Variants in ALK observed in about 807,000 individuals in gnomAD.
The protein encoded by ALK is ALK receptor tyrosine kinase, also known as ALK tyrosine kinase receptor.
A neutral mutation model predicts 163.1 loss-of-function variants in ALK; 74 were observed. The ratio of observed to expected loss-of-function variants is 0.45; its 90% CI spans 0.38 to 0.55. The LOEUF is 0.55. Ranked by LOEUF, ALK falls within the 20% of genes least tolerant of loss-of-function variation. The pLI, the probability that ALK is intolerant of heterozygous loss-of-function variation, is 0.00. For synonymous variants in ALK, 960 were observed against 843.2 expected (o/e 1.14, Z -2.40); for missense variants, 2,063 against 2,105.3 (o/e 0.98, Z 0.39).
chr2:29,512,036 A>T (rs1381952515), intron 4 of ALK, among the ~76,000 whole-genome samples: 1 of 13,518 alleles, frequency 7.4e-5, no homozygotes, highest in Non-Finnish European at 8.2e-3. Flanking sequence ...GAATCTTTTG[A>T]ATATTTAAAA....
chr2:29,252,668 C>T (rs1664849391), intron 11 of ALK, among the ~76,000 whole-genome samples: 1 of 152,032 alleles, frequency 6.6e-6, no homozygotes, highest in South Asian at 2.1e-4. Context: ...GCACGGAGTC[C>T]TCAACACTTT....
chr2:29,836,267 T>A (rs1665556392), intron 1 of ALK, among the ~76,000 whole-genome samples: 1 of 152,194 alleles, frequency 6.6e-6, no homozygotes, highest in Admixed American at 6.5e-5. Context: ...TTAGGCTAAA[T>A]TACATTATGA....
chr2:29,856,680 C>A (rs991519300), intron 1 of ALK, among the ~76,000 whole-genome samples: 1 of 152,128 alleles, frequency 6.6e-6, no homozygotes, highest in African/African-American at 2.4e-5. Context: ...ACGATGTGCA[C>A]AAAATGACTG....
Position 29,695,403 on chromosome 2 carries a change from G to A in ALK, c.788-389C>T, listed in dbSNP as rs771764890. On this transcript the variant is annotated intron_variant, in intron 2 of 28. Transcript: ENST00000389048. ...AGTCTGGCTCTGCTTTTACCAGCCC[G>A]GTGACTCCAAGCAAGAAAACTCACC... 9.9e-5 allele frequency among the ~76,000 whole-genome samples: 15 copies of A among 152,214 alleles called. 1 individual carries two copies. The Middle Eastern group carries it at 0.01, about 104-fold the overall frequency.
At chr2:29,522,105 A>T (rs1573425179) in intron 4 of ALK, among the ~76,000 whole-genome samples, 1 of 152,364 alleles carries the variant, frequency 6.6e-6, no homozygotes, top group East Asian at 1.9e-4. Flanking sequence ...TGCATCCTTA[A>T]TTATCAGCTG....
At chr2:29,728,093 T>C (rs74871432) in intron 1 of ALK, among the ~76,000 whole-genome samples, 3 of 152,046 alleles carry the variant, frequency 2.0e-5, no homozygotes, top group African/African-American at 7.3e-5. Flanking sequence ...TCTTTAAACC[T>C]TTAAGCTGCA....
intron 1 of ALK, among the ~76,000 whole-genome samples, chr2:29,868,510 T>G (rs1017760256): frequency 4.0e-5 from 6 of 151,890 alleles, no homozygotes; most frequent in Non-Finnish European, 8.8e-5. Context: ...AGTTTCAGAG[T>G]GTGTGTAAGG....
chr2:29,847,331 T>A (rs1665874302), intron 1 of ALK, among the ~76,000 whole-genome samples: 1 of 152,112 alleles, frequency 6.6e-6, no homozygotes, highest in Non-Finnish European at 1.5e-5. Flanking sequence ...TGGGCTCCTA[T>A]CTGCACTGGA....
intron 1 of ALK, 88 bp from the exon 2 acceptor site, chr2:29,717,785 A>G (rs1679306310): frequency 1.3e-6 from 2 of 1,573,142 alleles, no homozygotes; most frequent in African/African-American, 1.3e-5. Context: ...AATGAAGTTT[A>G]TAAGGGGCTT....
intron 19 of ALK, among the ~76,000 whole-genome samples, chr2:29,224,417 A>G (rs1362927687): frequency 2.6e-5 from 4 of 152,162 alleles, no homozygotes; most frequent in African/African-American, 4.8e-5. Flanking sequence ...AGGGTTGTCA[A>G]TGAAATGAAT....
At chr2:29,329,641 G>A (rs1314478398) in intron 5 of ALK, among the ~76,000 whole-genome samples, 2 of 152,138 alleles carry the variant, frequency 1.3e-5, no homozygotes, top group African/African-American at 4.8e-5. Context: ...ATGGGGGTGG[G>A]GCCTTTCCAA....
chr2:29,330,027 G>A (rs576459424), intron 5 of ALK, among the ~76,000 whole-genome samples: 2 of 152,128 alleles, frequency 1.3e-5, no homozygotes, highest in African/African-American at 4.8e-5. Flanking sequence ...TCTTTTCTAG[G>A]GTAGTCCAGA....
intron 22 of ALK, 25 bp downstream of exon 22, chr2:29,222,319 T>C: frequency 6.2e-7 from 1 of 1,611,542 alleles, no homozygotes; most frequent in African/African-American, 1.3e-5. Context: ...GGAGTTGGGG[T>C]GAGGGTGTCT....
chr2:29,685,541 G>A (rs961225142), intron 3 of ALK, among the ~76,000 whole-genome samples: 1 of 152,082 alleles, frequency 6.6e-6, no homozygotes, highest in African/African-American at 2.4e-5. Flanking sequence ...AGAATTCATT[G>A]GATACCTTCA....
rs779282861 is a variant in ALK, at chr2:29,383,831, G to T, written c.1183C>A (p.Arg395Ser). ...GWTVLQGRIG[R>S]PDNPFRVALE... Reference sequence around the variant, plus strand: ...GCCACTCGAAATGGGTTGTCTGGACGCCCGATTCTTCCCTGGAGCACTGTC... The same window carrying T: ...GCCACTCGAAATGGGTTGTCTGGACTCCCGATTCTTCCCTGGAGCACTGTC... Residue 395 changes from arginine to serine, a missense_variant, in exon 5 of 29, where the codon CGT becomes AGT. Physicochemically the swap from Arg to Ser is moderately radical, Grantham distance 110 (BLOSUM62 -1). Coordinates refer to ENST00000389048, the MANE Select transcript of ALK (RefSeq NM_004304.5). 11 of 1,613,974 alleles carry T rather than the reference G, an allele frequency of 6.8e-6. No homozygotes were observed. Among genetic ancestry groups the T allele is most frequent in the Non-Finnish European group, 6.8e-6 (8 of 1,179,982 alleles).
intron 1 of ALK, among the ~76,000 whole-genome samples, chr2:29,743,980 C>G (rs1173792902): frequency 2.0e-5 from 3 of 149,492 alleles, no homozygotes; most frequent in Non-Finnish European, 4.5e-5. Context: ...TTTTTTTTTT[C>G]TTTAATTGAA....
At chr2:29,408,633 T>C (rs935555518) in intron 4 of ALK, among the ~76,000 whole-genome samples, 2 of 152,268 alleles carry the variant, frequency 1.3e-5, no homozygotes, top group African/African-American at 2.4e-5. Context: ...TGTAGTACTC[T>C]GATTTGAGAA....
chr2:29,278,923 G>T (rs916915185), intron 9 of ALK, among the ~76,000 whole-genome samples: 13 of 152,162 alleles, frequency 8.5e-5, no homozygotes, highest in Non-Finnish European at 1.6e-4. Flanking sequence ...CTATATGAGG[G>T]GTGTACCTTC....
At chr2:29,406,816 T>C (rs1173901069) in intron 4 of ALK, among the ~76,000 whole-genome samples, 1 of 151,458 alleles carries the variant, frequency 6.6e-6, no homozygotes, top group Non-Finnish European at 1.5e-5. Flanking sequence ...GGAGAATGGC[T>C]TGAACCCGGG....
Sources: gnomAD v4.1 joint callset for allele counts (sites outside exome capture counted in the v4.1 genomes callset) on GRCh38, gnomAD v4.1.1 for gene constraint, MANE v1.5 for transcripts, NCBI Gene and HGNC (gene_info 2026-07-23, HGNC 2026-07-21) for gene names.